The following ZNF567 variants were observed in gnomAD, a reference collection of about 807,000 sequenced individuals.
The protein encoded by ZNF567 is zinc finger protein 567.
ZNF567 carries 36 observed loss-of-function variants against 53.9 expected under a neutral mutation model. The ratio of observed to expected loss-of-function variants is 0.67; its 90% CI spans 0.51 to 0.88. The LOEUF (loss-of-function observed/expected upper bound fraction) is 0.88. ZNF567 is among the 40% of genes least tolerant of loss of function. ZNF567 has a pLI of 0.00. For synonymous variants in ZNF567, 224 were observed against 260.4 expected (o/e 0.86, Z 1.35); for missense variants, 619 against 764.7 (o/e 0.81, Z 2.25).
intron 3 of ZNF567, among the ~76,000 whole-genome samples, chr19:36,697,019 G>T (rs2038921142): frequency 6.6e-6 from 1 of 152,154 alleles, no homozygotes; most frequent in African/African-American, 2.4e-5. Flanking sequence ...AAGTGCCTTA[G>T]AGGAATGTAT....
intron 3 of ZNF567, chr19:36,711,201 AGCAGGATTACAG>A (rs1253477625): frequency 6.6e-6 from 1 of 152,336 alleles, no homozygotes; most frequent in Non-Finnish European, 1.5e-5. Flanking sequence ...CCTCCCAAGT[AGCAGGATTACAG>A]GCACCCACCA....
In ZNF567 at chr19:36,719,690, A is replaced by G. The variant is rs773764588; in HGVS notation, c.966A>G (p.Thr322=). 6.2e-7 allele frequency: 1 copy of G among 1,614,106 alleles called. No homozygotes were observed. ...NECGKSFRLK[T]ALTDHQRTHT... is the part of the protein sequence containing the mutation. ...GTGGTAAGTCCTTCCGCCTCAAGAC[A>G]GCCCTCACTGATCATCAGAGAACAC... The change falls in exon 6 of 6, where the codon ACA becomes ACG. Residue 322 remains threonine (T), a synonymous_variant. Coordinates refer to ENST00000682579, the MANE Select transcript of ZNF567 (RefSeq NM_001322917.1).
At chr19:36,688,361 C>T (rs902576026) in intron 1 of ZNF567, among the ~76,000 whole-genome samples, 4 of 151,954 alleles carry the variant, frequency 2.6e-5, no homozygotes, top group African/African-American at 9.7e-5. Flanking sequence ...CGAGTGTTGA[C>T]TAAAGTATGC....
downstream of ZNF567, among the ~76,000 whole-genome samples, chr19:36,724,194 T>G (rs1010598754): frequency 6.6e-6 from 1 of 151,454 alleles, no homozygotes; most frequent in African/African-American, 2.4e-5. Flanking sequence ...TTAGTAGAGA[T>G]AGGGTTTCTC....
At chr19:36,679,337 A>G in the ZNF567 span, among the ~76,000 whole-genome samples, 2 of 152,216 alleles carry the variant, frequency 1.3e-5, no homozygotes, top group Non-Finnish European at 2.9e-5. Flanking sequence ...GACACCTGCT[A>G]TTACAAACAA....
downstream of ZNF567, among the ~76,000 whole-genome samples, chr19:36,724,898 A>G (rs1404833472): frequency 6.6e-6 from 1 of 151,480 alleles, no homozygotes; most frequent in Non-Finnish European, 1.5e-5. Flanking sequence ...TCTTTCCATC[A>G]CTTATTTTCC....
intron 3 of ZNF567, among the ~76,000 whole-genome samples, chr19:36,710,997 G>C (rs2039754210): frequency 6.6e-6 from 1 of 152,064 alleles, no homozygotes; most frequent in Admixed American, 6.6e-5. Flanking sequence ...CAGAGTTTAT[G>C]CTCAGATTTT....
chr19:36,712,976 T>C (rs1193305882), intron 5 of ZNF567, 109 bp downstream of exon 5: 1 of 851,078 alleles, frequency 1.2e-6, no homozygotes, highest in Non-Finnish European at 1.8e-6. Flanking sequence ...TTTTAAAGGC[T>C]CTTGACCTCT....
chr19:36,701,934 A>G (rs1001601541), intron 3 of ZNF567, among the ~76,000 whole-genome samples: 3 of 150,988 alleles, frequency 2.0e-5, no homozygotes, highest in African/African-American at 7.3e-5. Context: ...TTTAAGGTTA[A>G]TATTGTTATG....
At chr19:36,713,677 G>A (rs1225247386) in intron 5 of ZNF567, among the ~76,000 whole-genome samples, 1 of 152,028 alleles carries the variant, frequency 6.6e-6, no homozygotes, top group African/African-American at 2.4e-5. Flanking sequence ...GCTCACACCT[G>A]TAATCCTAGC....
chr19:36,718,823 C>G, intron 5 of ZNF567, 125 bp from the exon 6 acceptor site: 1 of 696,332 alleles, frequency 1.4e-6, no homozygotes. Flanking sequence ...CCCCGCACCC[C>G]TGCCAGGCCA....
intron 5 of ZNF567, among the ~76,000 whole-genome samples, chr19:36,714,798 A>G (rs868261190): frequency 5.3e-5 from 8 of 152,270 alleles, no homozygotes; most frequent in Admixed American, 2.0e-4. Context: ...CTTATTTACA[A>G]CTTGGCCTGT....
At chr19:36,679,822 G>A in the ZNF567 span, among the ~76,000 whole-genome samples, 2 of 152,162 alleles carry the variant, frequency 1.3e-5, no homozygotes, top group African/African-American at 4.8e-5. Context: ...CAAAGGTTGG[G>A]GGGTGGGGAT....
At chr19:36,689,083 C>T (rs1372676711) in intron 1 of ZNF567, among the ~76,000 whole-genome samples, 1 of 152,080 alleles carries the variant, frequency 6.6e-6, no homozygotes. Context: ...GGCGACAGAA[C>T]GAGACTCCGT....
chr19:36,676,016 A>G, the ZNF567 span, among the ~76,000 whole-genome samples: 1 of 136,118 alleles, frequency 7.3e-6, no homozygotes, highest in Admixed American at 7.4e-5. Context: ...CACTGTCAGC[A>G]TGTTTTGGAT....
intron 5 of ZNF567, 37 bp from the exon 6 acceptor site, chr19:36,718,911 A>C: frequency 6.7e-7 from 1 of 1,486,858 alleles, no homozygotes; most frequent in Non-Finnish European, 9.0e-7. Context: ...AAATGTGTGA[A>C]GATTCACAAA....
At chr19:36,708,548 T>C (rs2039615173) in intron 3 of ZNF567, among the ~76,000 whole-genome samples, 2 of 152,214 alleles carry the variant, frequency 1.3e-5, no homozygotes, top group South Asian at 2.1e-4. Flanking sequence ...TTGACAAATA[T>C]ATAATGGCAC....
chr19:36,723,133 A>G, downstream of ZNF567: 1 of 702,726 alleles, frequency 1.4e-6, no homozygotes, highest in Non-Finnish European at 2.6e-6. Flanking sequence ...AACAGTGGTG[A>G]CTAACAGAAG....
Position 36,719,411 on chromosome 19 carries a change from T to C in ZNF567, c.687T>C (p.Ser229=), listed in dbSNP as rs925606999. 6.2e-7 allele frequency: 1 copy of C among 1,613,514 alleles called. No homozygotes were observed. Among genetic ancestry groups the C allele is most frequent in the African/African-American group, 1.3e-5 (1 of 74,924 alleles). The part of the protein sequence containing the change: ...FLQRGGLITH[S]RPYKGENPSV... Reference sequence around the variant, plus strand: ...AAAGGGGAGGCCTGATTACACATAGTAGACCTTACAAAGGAGAAAACCCAT... The same window carrying C: ...AAAGGGGAGGCCTGATTACACATAGCAGACCTTACAAAGGAGAAAACCCAT... Residue 229 remains serine, a synonymous_variant, in exon 6 of 6, where the codon AGT becomes AGC. Coordinates refer to ENST00000682579, the MANE Select transcript of ZNF567 (RefSeq NM_001322917.1).
Sources: gnomAD v4.1 joint callset for allele counts (sites outside exome capture counted in the v4.1 genomes callset) on GRCh38, gnomAD v4.1.1 for gene constraint, MANE v1.5 for transcripts, NCBI Gene and HGNC (gene_info 2026-07-23, HGNC 2026-07-21) for gene names.